Variants in CSMD1 observed in about 807,000 individuals in gnomAD.
The protein encoded by CSMD1 is CUB and sushi domain-containing protein 1.
Under a neutral mutation model 417.5 loss-of-function variants are expected in CSMD1, and 213 were observed. The observed-to-expected ratio is 0.51, with a 90% CI of 0.46 to 0.57. The LOEUF is 0.57. Among genes scored for constraint, CSMD1 ranks in the 20% least tolerant of loss-of-function variants. The pLI, the probability that CSMD1 is intolerant of heterozygous loss-of-function variation, is 0.00. For synonymous variants in CSMD1, 2,862 were observed against 1,736.8 expected, an observed-to-expected ratio of 1.65 and a Z score of -16.11; for missense variants, 6,923 against 4,529.7, an observed-to-expected ratio of 1.53 and a Z score of -15.17.
At chr8:4,031,203 C>G (rs572382933) in intron 4 of CSMD1, among the ~76,000 whole-genome samples, 30 of 152,308 alleles carry the variant, frequency 2.0e-4, no homozygotes, top group African/African-American at 7.0e-4. Context: ...GTACCCCACT[C>G]CTGGTACCAA....
intron 33 of CSMD1, among the ~76,000 whole-genome samples, chr8:3,196,312 C>G (rs1796699831): frequency 2.0e-5 from 3 of 152,124 alleles, no homozygotes; most frequent in Admixed American, 1.3e-4. Flanking sequence ...CACTAATAAT[C>G]CATCCCTCAT....
intron 47 of CSMD1, among the ~76,000 whole-genome samples, chr8:3,092,940 A>T (rs1454737341): frequency 6.6e-6 from 1 of 152,206 alleles, no homozygotes. Context: ...AAGTAAAGTG[A>T]CAGCTGTCTT....
rs34664052 is a variant in CSMD1 at position 4,628,123 on chromosome 8, GTA to G, written c.302+9217_302+9218del. 2.2e-3 allele frequency among the ~76,000 whole-genome samples: 325 copies of G among 147,958 alleles called. 2 individuals carry two copies. The highest frequency in any genetic ancestry group is 0.014 in the Middle Eastern group (4 of 282). ...ACCATATATATACTTCTGTGTGTGT[GTA>G]TATATATATATATATGTACACAGTA... On this transcript the variant is annotated intron_variant, in intron 2 of 69. Transcript: ENST00000635120.
chr8:3,408,219 C>G lies in CSMD1; in HGVS notation c.1751G>C (p.Cys584Ser), dbSNP rs1223986757. 1 of 1,596,868 alleles carries G rather than the reference C, an allele frequency of 6.3e-7. No individual in the cohort carries two copies. The highest frequency in any genetic ancestry group is 1.7e-5 in the Admixed American group (1 of 57,732). Residue 584 changes from cysteine to serine, a missense_variant, in exon 14 of 70, where the codon TGT becomes TCT. Coordinates refer to ENST00000635120, the MANE Select transcript of CSMD1 (RefSeq NM_033225.6). ...SGNKPSCVFS[C>S]FFNFTASSGI... is the part of the protein sequence containing the mutation. ...AGATGATGCCGTAAAGTTGAAGAAACATGAAACTGTGAAGATGCAAATATA... is the reference window on the plus strand; with the variant it reads ...AGATGATGCCGTAAAGTTGAAGAAAGATGAAACTGTGAAGATGCAAATATA...
intron 2 of CSMD1, among the ~76,000 whole-genome samples, chr8:4,454,882 C>T (rs1441500675): frequency 6.6e-6 from 1 of 152,116 alleles, no homozygotes; most frequent in Non-Finnish European, 1.5e-5. Flanking sequence ...TAAATGGCGT[C>T]CTGTGATACA....
chr8:2,985,360 C>T (rs1380067740), intron 54 of CSMD1, among the ~76,000 whole-genome samples: 3 of 151,410 alleles, frequency 2.0e-5, no homozygotes, highest in African/African-American at 4.8e-5. Context: ...TGTTTCACCA[C>T]GTGAGGCAGG....
At chr8:4,117,826 A>G (rs1563145634) in intron 3 of CSMD1, among the ~76,000 whole-genome samples, 1 of 152,158 alleles carries the variant, frequency 6.6e-6, no homozygotes, top group Non-Finnish European at 1.5e-5. Context: ...CCTAGTTAGA[A>G]CATCTCACTT....
intron 3 of CSMD1, among the ~76,000 whole-genome samples, chr8:4,304,105 A>G (rs1477079807): frequency 6.6e-6 from 1 of 152,188 alleles, no homozygotes; most frequent in Non-Finnish European, 1.5e-5. Context: ...GTCTTATAAA[A>G]TTAACCACTG....
chr8:4,417,427 G>C (rs976456581), intron 3 of CSMD1, among the ~76,000 whole-genome samples: 2 of 151,872 alleles, frequency 1.3e-5, no homozygotes, highest in Non-Finnish European at 2.9e-5. Context: ...TTAGAACTTT[G>C]GAAGATTCTT....
intron 5 of CSMD1, among the ~76,000 whole-genome samples, chr8:3,993,827 G>A (rs565044141): frequency 2.8e-4 from 43 of 152,312 alleles, no homozygotes; most frequent in Admixed American, 2.1e-3. Context: ...TTTATGTAGT[G>A]TTCTTCCAGG....
chr8:4,276,821 T>G (rs1585143061), intron 3 of CSMD1, among the ~76,000 whole-genome samples: 1 of 152,126 alleles, frequency 6.6e-6, no homozygotes, highest in Admixed American at 6.5e-5. Context: ...GAACTAAATC[T>G]CTTTTCAGAA....
intron 3 of CSMD1, among the ~76,000 whole-genome samples, chr8:4,368,436 T>A (rs190606409): frequency 2.6e-4 from 40 of 152,314 alleles, no homozygotes; most frequent in African/African-American, 9.4e-4. Context: ...GATTCATTTT[T>A]CTGTTGTGTC....
At chr8:4,216,883 T>G (rs1485431858) in intron 3 of CSMD1, among the ~76,000 whole-genome samples, 3 of 152,180 alleles carry the variant, frequency 2.0e-5, no homozygotes, top group African/African-American at 7.2e-5. Context: ...CTTTTTTCCT[T>G]CTTTTCTTGC....
rs5889027 is a variant in CSMD1, at chr8:4,212,751, C to CTTTTT, written c.416-180657_416-180653dup. On this transcript the variant is annotated intron_variant, in intron 3 of 69. Coordinates refer to ENST00000635120, the MANE Select transcript of CSMD1 (RefSeq NM_033225.6). ...AAAAGTTTACAACAGCGGCCTTATT[C>CTTTTT]TTTTTTTTTTTTTTTTTTTTTTTTT... 3.5e-4 allele frequency among the ~76,000 whole-genome samples: 35 copies of CTTTTT among 99,226 alleles called. 2 individuals are homozygous for CTTTTT. The highest frequency in any genetic ancestry group is 1.4e-3 in the African/African-American group (34 of 23,462). 65.1% of individuals were successfully genotyped at this position (99,226 alleles called of 152,430 possible).
rs142182561 is a variant in CSMD1 at position 4,307,370 on chromosome 8, G to A, written c.415+112583C>T. ...TCAGAGCAATGGGAGAGGTGGTGGA[G>A]CACAGCTTGGCCTCCTGCACTCTTT... On this transcript the variant is annotated intron_variant, in intron 3 of 69. Transcript: ENST00000635120. Among the ~76,000 whole-genome samples, 202 of 152,216 alleles carry A rather than the reference G, an allele frequency of 1.3e-3. 1 individual carries two copies. The highest frequency in any genetic ancestry group is 4.6e-3 in the African/African-American group (190 of 41,532).
chr8:4,380,730 C>G (rs1803049454), intron 3 of CSMD1, among the ~76,000 whole-genome samples: 1 of 152,158 alleles, frequency 6.6e-6, no homozygotes, highest in African/African-American at 2.4e-5. Context: ...TCTATGGGAG[C>G]ACTTCATACT....
chr8:3,678,066 G>A (rs1402995013), intron 7 of CSMD1, among the ~76,000 whole-genome samples: 1 of 152,106 alleles, frequency 6.6e-6, no homozygotes, highest in African/African-American at 2.4e-5. Context: ...TTCAAAGATG[G>A]CTGAATAGGA....
At chr8:4,479,907 A>G (rs986001631) in intron 2 of CSMD1, among the ~76,000 whole-genome samples, 1 of 151,508 alleles carries the variant, frequency 6.6e-6, no homozygotes, top group Non-Finnish European at 1.5e-5. Flanking sequence ...CAGAGGTTGC[A>G]GTGAGCCGAG....
chr8:4,157,905 T>A (rs976031264), intron 3 of CSMD1, among the ~76,000 whole-genome samples: 2 of 152,182 alleles, frequency 1.3e-5, no homozygotes, highest in African/African-American at 4.8e-5. Flanking sequence ...GATGCTGAAC[T>A]TGGGCTTGTC....
Sources: allele counts gnomAD v4.1 joint callset (sites outside exome capture counted in the v4.1 genomes callset), GRCh38; gene constraint gnomAD v4.1.1; transcripts MANE v1.5; gene names NCBI Gene and HGNC (gene_info 2026-07-23, HGNC 2026-07-21).